The following OLFM3 variants were observed in gnomAD, a reference collection of about 807,000 sequenced individuals.
OLFM3 encodes olfactomedin 3.
Under a neutral mutation model 48.6 loss-of-function variants are expected in OLFM3, and 20 were observed. The ratio of observed to expected loss-of-function variants is 0.41; its 90% CI spans 0.29 to 0.60. The LOEUF (loss-of-function observed/expected upper bound fraction) is 0.60. OLFM3 is among the 20% of genes least tolerant of loss of function. OLFM3 has a pLI of 0.28. For synonymous variants in OLFM3, 222 were observed against 198.1 expected, an observed-to-expected ratio of 1.12 and a Z score of -1.01; for missense variants, 437 against 544.3, an observed-to-expected ratio of 0.80 and a Z score of 1.96.
chr1:101,881,669 C>G (rs776770042), intron 1 of OLFM3, among the ~76,000 whole-genome samples: 1 of 151,686 alleles, frequency 6.6e-6, no homozygotes, highest in Non-Finnish European at 1.5e-5. Context: ...AACCTACATG[C>G]TACAAGCCAC....
intron 1 of OLFM3, among the ~76,000 whole-genome samples, chr1:101,889,757 A>T (rs1263842931): frequency 6.6e-6 from 1 of 152,128 alleles, no homozygotes; most frequent in Non-Finnish European, 1.5e-5. Flanking sequence ...ACTTAGCAGT[A>T]TTTGACTAAG....
intron 1 of OLFM3, among the ~76,000 whole-genome samples, chr1:101,970,451 T>C (rs1336398333): frequency 2.6e-5 from 4 of 152,270 alleles, no homozygotes; most frequent in Non-Finnish European, 5.9e-5. Context: ...TACTCTCTCC[T>C]AATGAATTAA....
intron 1 of OLFM3, among the ~76,000 whole-genome samples, chr1:101,901,720 A>T (rs568871311): frequency 2.0e-5 from 3 of 152,202 alleles, no homozygotes; most frequent in African/African-American, 7.2e-5. Flanking sequence ...CAGATAATTG[A>T]CTATGGGGCA....
At chr1:101,873,035 A>G (rs1238393815) in intron 1 of OLFM3, among the ~76,000 whole-genome samples, 1 of 152,020 alleles carries the variant, frequency 6.6e-6, no homozygotes, top group East Asian at 1.9e-4. Context: ...TTGAGAATAT[A>G]CAACTTACAT....
chr1:101,887,743 T>A (rs887682373), intron 1 of OLFM3, among the ~76,000 whole-genome samples: 5 of 152,026 alleles, frequency 3.3e-5, no homozygotes, highest in Non-Finnish European at 5.9e-5. Flanking sequence ...GAAAAGAGGA[T>A]AATCTTTGTG....
At position 101,804,578 on chromosome 1, in the gene OLFM3, G is replaced by T; in HGVS notation, c.1037C>A (p.Ala346Glu). 1 of 1,612,534 alleles carries T rather than the reference G, an allele frequency of 6.2e-7. No homozygotes were observed. The highest frequency in any genetic ancestry group is 8.5e-7 in the Non-Finnish European group (1 of 1,179,136). Residue 346 changes from alanine to glutamate, a missense_variant, in exon 6 of 6, where the codon GCA becomes GAA. Ala to Glu is a moderately radical substitution (Grantham distance 107). Around this residue, in one of 3 missense-constraint regions of OLFM3, gnomAD observed 108 missense variants for 135.8 expected, o/e 0.80. Coordinates refer to ENST00000370103, the MANE Select transcript of OLFM3 (RefSeq NM_058170.4). The surrounding 1 kb of genome is among the most constrained non-coding windows in gnomAD (Gnocchi z 4.5). ...LWAVYATNQN[A>E]GNIVISQLNQ... ...AAGTTGGCTGATGACAATATTGCCT[G>T]CATTCTGGTTAGTTGCATACACAGC... is the stretch of plus-strand genomic sequence containing the variant.
chr1:101,818,166 C>A (rs147018617), intron 4 of OLFM3, among the ~76,000 whole-genome samples: 1 of 152,008 alleles, frequency 6.6e-6, no homozygotes, highest in African/African-American at 2.4e-5. Context: ...TAAGGAGAAG[C>A]CTGTTCAGCA....
intron 1 of OLFM3, among the ~76,000 whole-genome samples, chr1:101,885,668 T>G (rs1657724104): frequency 6.6e-6 from 1 of 152,032 alleles, no homozygotes; most frequent in African/African-American, 2.4e-5. Flanking sequence ...GTAAATAAAT[T>G]TTCTCTTTTC....
At chr1:101,834,022 T>C (rs1365156288) in intron 2 of OLFM3, among the ~76,000 whole-genome samples, 1 of 152,178 alleles carries the variant, frequency 6.6e-6, no homozygotes, top group African/African-American at 2.4e-5. Context: ...AAACAAATAA[T>C]TTTTTAGGTG....
chr1:101,866,984 G>C lies in OLFM3; in HGVS notation c.70-29959C>G, dbSNP rs1656884823. ...ACTTGGCTCATTGCTGACATGGACA[G>C]TAGTGACTTACTGGTCTGCACCTTT... On this transcript the variant is annotated intron_variant, in intron 1 of 5. Coordinates refer to ENST00000370103, the MANE Select transcript of OLFM3 (RefSeq NM_058170.4). Among the ~76,000 whole-genome samples the C allele has an allele frequency of 1.3e-5, 2 of 152,204 alleles. 1 individual carries two copies. Among genetic ancestry groups the C allele is most frequent in the South Asian group, 4.1e-4 (2 of 4,836 alleles).
chr1:101,840,282 G>C lies in OLFM3; in HGVS notation c.70-3257C>G, dbSNP rs17125564. ...GCAGTTCATATGTGCTATTGCTTTC[G>C]AATATTATAATACACCTATGGACTA... On this transcript the variant is annotated intron_variant, in intron 1 of 5. Transcript: ENST00000370103. 9.9e-5 allele frequency among the ~76,000 whole-genome samples: 15 copies of C among 152,152 alleles called. No homozygotes were observed. In the East Asian group the frequency reaches 1.5e-3, roughly 16 times the overall value.
chr1:101,824,593 G>T (rs1305255824), intron 4 of OLFM3, among the ~76,000 whole-genome samples: 2 of 151,876 alleles, frequency 1.3e-5, no homozygotes, highest in Admixed American at 6.6e-5. Flanking sequence ...TTTGACATTT[G>T]GTCCCAGGGT....
chr1:101,964,241 G>A (rs1360117732), intron 1 of OLFM3, among the ~76,000 whole-genome samples: 3 of 152,100 alleles, frequency 2.0e-5, no homozygotes, highest in African/African-American at 7.2e-5. Flanking sequence ...TAAAACATGG[G>A]GGTGGGAGGA....
At chr1:101,837,061 C>T in intron 1 of OLFM3, 36 bp from the exon 2 acceptor site, 1 of 1,587,570 alleles carries the variant, frequency 6.3e-7, no homozygotes, top group Non-Finnish European at 8.6e-7. Flanking sequence ...AACACAGACT[C>T]CTGTTATAGG....
chr1:101,863,848 T>C (rs1167266356), intron 1 of OLFM3, among the ~76,000 whole-genome samples: 1 of 152,168 alleles, frequency 6.6e-6, no homozygotes, highest in African/African-American at 2.4e-5. Flanking sequence ...TAAATCAAAT[T>C]AAAATTTCCT....
intron 1 of OLFM3, among the ~76,000 whole-genome samples, chr1:101,845,987 T>C (rs1655974207): frequency 6.6e-6 from 1 of 152,232 alleles, no homozygotes; most frequent in South Asian, 2.1e-4. Context: ...ACCCCTAGTT[T>C]TGCTTCTGTA....
At chr1:101,949,649 G>A (rs1660060054) in intron 1 of OLFM3, among the ~76,000 whole-genome samples, 1 of 152,066 alleles carries the variant, frequency 6.6e-6, no homozygotes, top group African/African-American at 2.4e-5. Flanking sequence ...CCTCTGATAC[G>A]GCCTGGCGCG....
chr1:101,903,117 G>A (rs1049207632), intron 1 of OLFM3, among the ~76,000 whole-genome samples: 9 of 152,032 alleles, frequency 5.9e-5, no homozygotes, highest in African/African-American at 1.9e-4. Flanking sequence ...TTGGAAACAA[G>A]CATTATAGAA....
chr1:101,939,746 T>C (rs1311419148), intron 1 of OLFM3, among the ~76,000 whole-genome samples: 1 of 152,200 alleles, frequency 6.6e-6, no homozygotes, highest in Non-Finnish European at 1.5e-5. Context: ...AAATATGGGC[T>C]ACCTTCAGAG....
Sources: allele counts gnomAD v4.1 joint callset (sites outside exome capture counted in the v4.1 genomes callset), GRCh38; gene constraint gnomAD v4.1.1; regional missense constraint gnomAD v4.1.1; non-coding constraint Gnocchi (gnomAD v3.1); transcripts MANE v1.5; gene names NCBI Gene and HGNC (gene_info 2026-07-23, HGNC 2026-07-21).